Variants in SPHK2 observed in about 807,000 individuals in gnomAD.
The protein encoded by SPHK2 is sphingosine kinase 2.
A neutral mutation model predicts 32.3 loss-of-function variants in SPHK2; 18 were observed. That is an observed-to-expected ratio of 0.56 (90% CI 0.39 to 0.83). SPHK2 has a LOEUF of 0.83. Ranked by LOEUF, SPHK2 falls within the 40% of genes least tolerant of loss-of-function variation. The pLI is 0.00. For synonymous variants in SPHK2, 462 were observed against 417.6 expected, an observed-to-expected ratio of 1.11 and a Z score of -1.30; for missense variants, 850 against 908.7, an observed-to-expected ratio of 0.94 and a Z score of 0.83.
chr19:48,629,444 C>CCCAG lies in SPHK2; in HGVS notation c.1640_1643dup (p.His548GlnfsTer6). The CCCAG allele has an allele frequency of 6.2e-7, 1 of 1,609,386 alleles. No homozygotes were observed. The highest frequency in any genetic ancestry group is 8.5e-7 in the Non-Finnish European group (1 of 1,178,786). On this transcript the variant is annotated frameshift_variant, in exon 7 of 7. Coordinates refer to ENST00000245222, the MANE Select transcript of SPHK2 (RefSeq NM_020126.5). LOFTEE classifies it low-confidence loss of function (END_TRUNC). Reference sequence around the variant, plus strand: ...CTTTGTGCTCATGTTGGCCATCTCGCCCAGCCACCTAGGCGCTGACCTGGT... The same window carrying CCCAG: ...CTTTGTGCTCATGTTGGCCATCTCGCCCAGCCAGCCACCTAGGCGCTGACCTGGT...
chr19:48,620,311 C>T, intron 1 of SPHK2, 91 bp from the exon 2 acceptor site: 1 of 530,446 alleles, frequency 1.9e-6, no homozygotes, highest in Non-Finnish European at 3.4e-6. Flanking sequence ...CCAGGGAGGC[C>T]CCTGCCTCTT....
At chr19:48,625,138 C>T (rs1974554754) in intron 2 of SPHK2, 1 of 997,294 alleles carries the variant, frequency 1.0e-6, no homozygotes, top group Non-Finnish European at 1.2e-6. Flanking sequence ...TGTGGCTCCT[C>T]TCGGACCCCG....
intron 2 of SPHK2, chr19:48,625,002 G>C (rs1974548983): frequency 1.0e-6 from 1 of 987,618 alleles, no homozygotes; most frequent in Non-Finnish European, 1.2e-6. Context: ...CAGAGGGCAG[G>C]GAGAGGGCCT....
chr19:48,628,760 C>T lies in SPHK2; in HGVS notation c.952C>T (p.Leu318=), dbSNP rs1386076507. 5 of 1,613,242 alleles carry T rather than the reference C, an allele frequency of 3.1e-6. No individual in the cohort carries two copies. In the African/African-American group the frequency reaches 5.3e-5, roughly 17 times the overall value. Residue 318 remains leucine, a synonymous_variant, in exon 7 of 7, where the codon CTG becomes TTG. Transcript: ENST00000245222. This position sits in a 1 kb window ranked among gnomAD's most constrained non-coding sequence, Gnocchi z 5.2. ...LCRGGGHPLD[L]LSVTLASGSR... ...CCGGGGTGGTGGCCACCCACTGGACCTGCTCTCCGTGACGCTGGCCTCGGG... is the reference window on the plus strand; with the variant it reads ...CCGGGGTGGTGGCCACCCACTGGACTTGCTCTCCGTGACGCTGGCCTCGGG...
chr19:48,620,364 G>T, intron 1 of SPHK2, 38 bp from the exon 2 acceptor site: 2 of 581,110 alleles, frequency 3.4e-6, no homozygotes, highest in South Asian at 2.5e-5. Context: ...CCTGCAGTTG[G>T]CTGTCAATGC....
chr19:48,624,603 C>G (rs1324761449), intron 2 of SPHK2: 1 of 152,214 alleles, frequency 6.6e-6, no homozygotes, highest in Non-Finnish European at 1.5e-5. Flanking sequence ...AATAAGAGTG[C>G]GGATGGCGGT....
Position 48,628,753 on chromosome 19 carries a change from ACTGGACCTG to A in SPHK2, c.948_956del (p.Asp317_Leu319del). 4 of 1,613,230 alleles carry A rather than the reference ACTGGACCTG, an allele frequency of 2.5e-6. No individual in the cohort carries two copies. Among genetic ancestry groups the A allele is most frequent in the Non-Finnish European group, 3.4e-6 (4 of 1,180,014 alleles). On this transcript the variant is annotated inframe_deletion, in exon 7 of 7. Transcript: ENST00000245222. This position sits in a 1 kb window ranked among gnomAD's most constrained non-coding sequence, Gnocchi z 5.2. ...TGCTGTGCCGGGGTGGTGGCCACCC[ACTGGACCTG>A]CTCTCCGTGACGCTGGCCTCGGGCT...
rs772114663 is a variant in SPHK2, at chr19:48,626,128, C to A, written c.277C>A (p.Pro93Thr). 1 of 1,607,086 alleles carries A rather than the reference C, an allele frequency of 6.2e-7. No individual in the cohort carries two copies. Among genetic ancestry groups the A allele is most frequent in the East Asian group, 2.2e-5 (1 of 44,766 alleles). Reference sequence around the variant, plus strand: ...AGCCAGGCCCCGGGGTGGCCTGGTCCCGTTGGCCGAGGTCTCAGGCTGCTG... The same window carrying A: ...AGCCAGGCCCCGGGGTGGCCTGGTCACGTTGGCCGAGGTCTCAGGCTGCTG... ...PEARPRGGLV[P>T]LAEVSGCCTL... Residue 93 changes from proline to threonine, a missense_variant, in exon 3 of 7, where the codon CCG becomes ACG. Transcript: ENST00000245222.
chr19:48,624,035 GTC>G (rs1368070052), intron 2 of SPHK2: 1 of 152,280 alleles, frequency 6.6e-6, no homozygotes, highest in Non-Finnish European at 1.5e-5. Flanking sequence ...GCGTGTTAGA[GTC>G]TCTGTCTTTG....
At chr19:48,624,886 C>T (rs1023654867) in intron 2 of SPHK2, 3 of 975,562 alleles carry the variant, frequency 3.1e-6, no homozygotes, top group African/African-American at 3.7e-5. Context: ...GGGTGGGGGG[C>T]TGTCCTGGCG....
At chr19:48,625,259 T>G (rs1974560649) in intron 2 of SPHK2, 3 of 1,077,678 alleles carry the variant, frequency 2.8e-6, no homozygotes, top group Non-Finnish European at 2.3e-6. Context: ...TGAAAAAGTC[T>G]TACTCTCTTA....
rs2030277320 is a variant in SPHK2 at position 48,628,943 on chromosome 19, C to G, written c.1135C>G (p.Leu379Val). ...CACCTACCGCGGACGCCTCTCCTAC[C>G]TCCCCGCCACTGTGGAACCTGCCTC... is the stretch of plus-strand genomic sequence containing the variant. ...LHTYRGRLSY[L>V]PATVEPASPT... Residue 379 changes from leucine to valine, a missense_variant, in exon 7 of 7, where the codon CTC (leucine) becomes GTC (valine). This residue lies in a region of SPHK2 where 544 missense variants were observed against 640.0 expected (regional missense o/e 0.85). Transcript: ENST00000245222. The surrounding 1 kb of genome is among the most constrained non-coding windows in gnomAD (Gnocchi z 5.2). 6.2e-7 allele frequency: 1 copy of G among 1,613,418 alleles called. No homozygotes were observed. Among genetic ancestry groups the G allele is most frequent in the African/African-American group, 1.3e-5 (1 of 75,040 alleles).
intron 2 of SPHK2, chr19:48,624,813 G>C: frequency 4.9e-6 from 4 of 814,704 alleles, no homozygotes; most frequent in Non-Finnish European, 3.0e-6. Context: ...TCCTGGACCC[G>C]AGAGAGCCGC....
intron 1 of SPHK2, among the ~76,000 whole-genome samples, chr19:48,620,126 G>C (rs1974342651): frequency 0.012 from 1 of 84 alleles, no homozygotes; most frequent in African/African-American, 0.033. Context: ...TGGCACACAG[G>C]GGTGTTTTTC....
chr19:48,629,412 A>G lies in SPHK2; in HGVS notation c.1604A>G (p.Glu535Gly). ...TPLPPDWVTL[E>G]GDFVLMLAIS... The stretch of plus-strand genomic sequence containing the variant: ...CTGCCCCCAGACTGGGTGACGCTGG[A>G]GGGGGACTTTGTGCTCATGTTGGCC... Residue 535 changes from glutamate (E) to glycine (G), a missense_variant, in exon 7 of 7, where the codon GAG (glutamate) becomes GGG (glycine). Physicochemically the swap from Glu to Gly is moderately conservative, Grantham distance 98. This residue lies in a region of SPHK2 where 306 missense variants were observed against 268.6 expected (regional missense o/e 1.14). Transcript: ENST00000245222. 6.2e-7 allele frequency: 1 copy of G among 1,611,408 alleles called. No homozygotes were observed. Among genetic ancestry groups the G allele is most frequent in the Non-Finnish European group, 8.5e-7 (1 of 1,179,452 alleles).
In SPHK2 at chr19:48,629,417, G is replaced by A; in HGVS notation, c.1609G>A (p.Asp537Asn). The change falls in exon 7 of 7, where the codon GAC becomes AAC. Residue 537 changes from aspartate (D) to asparagine (N), a missense_variant. By Grantham distance (23) the Asp-to-Asn change is conservative (BLOSUM62 1). Coordinates refer to ENST00000245222, the MANE Select transcript of SPHK2 (RefSeq NM_020126.5). ...CCCAGACTGGGTGACGCTGGAGGGG[G>A]ACTTTGTGCTCATGTTGGCCATCTC... ...LPPDWVTLEG[D>N]FVLMLAISPS... The A allele has an allele frequency of 3.7e-6, 6 of 1,611,278 alleles. No homozygotes were observed. Among genetic ancestry groups the A allele is most frequent in the Non-Finnish European group, 5.1e-6 (6 of 1,179,454 alleles).
rs769962130 is a variant in SPHK2, at chr19:48,629,789, G to A, written c.*16G>A. ...GGAGCCCTGAAACTAAACAAGCTTG[G>A]TACCCGCCGGGGGCGGGGCCTACAT... On this transcript the variant is annotated 3_prime_UTR_variant, in exon 7 of 7. Transcript: ENST00000245222. 2.6e-6 allele frequency: 4 copies of A among 1,543,558 alleles called. No homozygotes were observed. Among genetic ancestry groups the A allele is most frequent in the African/African-American group, 1.4e-5 (1 of 72,848 alleles).
At chr19:48,626,867 C>T (rs1284558065) in intron 3 of SPHK2, 1 of 150,556 alleles carries the variant, frequency 6.6e-6, no homozygotes, top group African/African-American at 2.5e-5. Context: ...CGTGCAGTGG[C>T]TCATGCCTAT....
chr19:48,619,536 T>C lies in SPHK2; in HGVS notation c.-121T>C, dbSNP rs1406563395. On this transcript the variant is annotated 5_prime_UTR_variant, in exon 1 of 7. Coordinates refer to ENST00000245222, the MANE Select transcript of SPHK2 (RefSeq NM_020126.5). Reference sequence around the variant, plus strand: ...CTCCCGGAGGACCCGGCGGGCCCAGTGTTGGAGGTGAGGAGGCGGGGCTGG... The same window carrying C: ...CTCCCGGAGGACCCGGCGGGCCCAGCGTTGGAGGTGAGGAGGCGGGGCTGG... The C allele has an allele frequency of 8.0e-6, 2 of 250,442 alleles. No homozygotes were observed. Among genetic ancestry groups the C allele is most frequent in the Non-Finnish European group, 1.6e-5 (2 of 127,440 alleles). The allele number at this position is 250,442 out of a possible 1,614,324, so 15.5% of individuals were successfully genotyped here.
Sources: gnomAD v4.1 joint callset for allele counts (sites outside exome capture counted in the v4.1 genomes callset) on GRCh38, gnomAD v4.1.1 for gene constraint, gnomAD v4.1.1 regional missense constraint, Gnocchi (gnomAD v3.1) non-coding constraint, MANE v1.5 for transcripts, NCBI Gene and HGNC (gene_info 2026-07-23, HGNC 2026-07-21) for gene names.